The following ZNF106 variants were observed in gnomAD, a reference collection of about 807,000 sequenced individuals.
The protein encoded by ZNF106 is zinc finger protein 106, also known as SH3-domain binding protein 3.
ZNF106 carries 67 observed loss-of-function variants against 195.1 expected under a neutral mutation model. That is an observed-to-expected ratio of 0.34 (90% CI 0.28 to 0.42). The LOEUF is 0.42. Ranked by LOEUF, ZNF106 falls within the 10% of genes least tolerant of loss-of-function variation. ZNF106 has a pLI of 1.00. For synonymous variants in ZNF106, 784 were observed against 818.6 expected, an observed-to-expected ratio of 0.96 and a Z score of 0.72; for missense variants, 2,118 against 2,304.5, an observed-to-expected ratio of 0.92 and a Z score of 1.66.
intron 1 of ZNF106, among the ~76,000 whole-genome samples, chr15:42,486,262 T>C (rs1323031029): frequency 6.7e-6 from 1 of 148,390 alleles, no homozygotes; most frequent in Non-Finnish European, 1.5e-5. Flanking sequence ...CCAGCCCTTC[T>C]TTTTTTTTTC....
Position 42,442,316 on chromosome 15 carries a change from G to T in ZNF106, c.3520C>A (p.Leu1174Met), listed in dbSNP as rs139486208. 1.3e-4 allele frequency: 205 copies of T among 1,614,238 alleles called. No individual in the cohort carries two copies. In the African/African-American group the frequency reaches 2.3e-3, roughly 18 times the overall value. Residue 1174 changes from leucine to methionine, a missense_variant, in exon 10 of 22, where the codon CTG becomes ATG. Physicochemically the swap from Leu to Met is conservative, Grantham distance 15. Coordinates refer to ENST00000564754, the MANE Select transcript of ZNF106 (RefSeq NM_001366845.3). ...AAAAGTGGGAAAAAGGGAGTGGGCA[G>T]CAGTGCGGCATCAATGGATGTTTGA... ...RSQTSIDAAL[L>M]PTPFFPLFLE...
Position 42,478,065 on chromosome 15 carries a change from T to G in ZNF106, c.-32-5744A>C, listed in dbSNP as rs189905805. On this transcript the variant is annotated intron_variant, in intron 1 of 21. Transcript: ENST00000564754. ...TGCTATCTCAGCTCACTGCAACCTC[T>G]GTAACCTCCACCTGAAACTACGTCT... 3.3e-5 allele frequency among the ~76,000 whole-genome samples: 5 copies of G among 151,726 alleles called. No individual in the cohort carries two copies. In the East Asian group the frequency reaches 9.7e-4, roughly 29 times the overall value.
Position 42,450,544 on chromosome 15 carries a change from A to G in ZNF106, c.1728T>C (p.Leu576=). 1 of 1,614,140 alleles carries G rather than the reference A, an allele frequency of 6.2e-7. No individual in the cohort carries two copies. The highest frequency in any genetic ancestry group is 8.5e-7 in the Non-Finnish European group (1 of 1,180,022). Residue 576 remains leucine (L), a synonymous_variant, in exon 5 of 22, where the codon CTT becomes CTC. Transcript: ENST00000564754. ...QCHESLQNPL[L]STSKSTRNYA... ...AGTTCCTGGTACTTTTAGAAGTGCT[A>G]AGAAGTGGATTTTGCAATGACTCAT...
chr15:42,455,599 T>C (rs1375163396), intron 4 of ZNF106, among the ~76,000 whole-genome samples: 4 of 152,216 alleles, frequency 2.6e-5, no homozygotes, highest in Non-Finnish European at 5.9e-5. Context: ...AAGGGCTTCC[T>C]ATGTTGCCCA....
chr15:42,445,014 A>G (rs775746049), intron 7 of ZNF106, 33 bp from the exon 8 acceptor site: 2 of 1,611,830 alleles, frequency 1.2e-6, no homozygotes, highest in South Asian at 2.2e-5. Flanking sequence ...TCAGGTTAAT[A>G]CGAGAGATTT....
chr15:42,448,034 T>C, intron 6 of ZNF106, 38 bp downstream of exon 6: 13 of 1,556,850 alleles, frequency 8.4e-6, no homozygotes, highest in Non-Finnish European at 1.1e-5. Flanking sequence ...ACTTGCCACA[T>C]GCGATGTTCT....
chr15:42,470,153 A>G (rs183426208), intron 2 of ZNF106, among the ~76,000 whole-genome samples: 1 of 152,150 alleles, frequency 6.6e-6, no homozygotes, highest in Admixed American at 6.6e-5. Context: ...CTCCATCTCT[A>G]TTATACACAT....
Position 42,415,553 on chromosome 15 carries a change from AC to A in ZNF106, c.*1750del, listed in dbSNP as rs1484998750. The A allele has an allele frequency of 4.5e-6, 2 of 449,364 alleles. No homozygotes were observed. The highest frequency in any genetic ancestry group is 2.0e-5 in the African/African-American group (1 of 49,566). The allele number at this position is 449,364 out of a possible 1,614,324, so 27.8% of individuals were successfully genotyped here. Reference sequence around the variant, plus strand: ...AGACCCTCTTGAAGCCTATCCATAAACCCCCTGGTGAAGTCCCCCTGCCCGA... The same window carrying A: ...AGACCCTCTTGAAGCCTATCCATAAACCCCTGGTGAAGTCCCCCTGCCCGA... On this transcript the variant is annotated 3_prime_UTR_variant, in exon 22 of 22. Transcript: ENST00000564754.
rs1332975897 is a variant in ZNF106 at position 42,414,838 on chromosome 15, T to G, written c.*2466A>C. ...TTTAGTCATCGATCCAGATGCATTT[T>G]CCCGGGAAATGACCATTCCCAAACC... On this transcript the variant is annotated 3_prime_UTR_variant, in exon 22 of 22. Coordinates refer to ENST00000564754, the MANE Select transcript of ZNF106 (RefSeq NM_001366845.3). The G allele has an allele frequency of 1.3e-5, 2 of 152,226 alleles. No individual in the cohort carries two copies. Among genetic ancestry groups the G allele is most frequent in the Non-Finnish European group, 2.9e-5 (2 of 68,062 alleles). 9.4% of individuals were successfully genotyped at this position (152,226 alleles called of 1,614,324 possible).
chr15:42,424,741 A>G, intron 16 of ZNF106, 93 bp downstream of exon 16: 1 of 1,317,820 alleles, frequency 7.6e-7, no homozygotes, highest in Non-Finnish European at 1.0e-6. Flanking sequence ...CACCCTCCCA[A>G]AGTGCTGGGA....
At chr15:42,420,983 G>A (rs1464666378) in intron 20 of ZNF106, 78 bp downstream of exon 20, 31 of 1,249,616 alleles carry the variant, frequency 2.5e-5, no homozygotes, top group Non-Finnish European at 2.4e-6. Context: ...CTACACTGAT[G>A]ATAATGAAGA....
chr15:42,481,210 T>G (rs2141450394), intron 1 of ZNF106, among the ~76,000 whole-genome samples: 1 of 152,216 alleles, frequency 6.6e-6, no homozygotes, highest in Middle Eastern at 3.4e-3. Flanking sequence ...TAACCTTCAT[T>G]GTTTTCTGAA....
rs1395490312 is a variant in ZNF106 at position 42,449,903 on chromosome 15, TCA to T, written c.2367_2368del (p.Ser789ArgfsTer57). The T allele has an allele frequency of 6.2e-7, 1 of 1,614,208 alleles. No individual in the cohort carries two copies. The highest frequency in any genetic ancestry group is 8.5e-7 in the Non-Finnish European group (1 of 1,180,036). ...CTTGAGCCCAGACTCCTTCTCTGTC[TCA>T]CTCTTTCGGTGACCGCTAATATTGC... On this transcript the variant is annotated frameshift_variant, in exon 5 of 22. Transcript: ENST00000564754. LOFTEE classifies it high-confidence loss of function.
chr15:42,490,360 A>C (rs1334705682), intron 1 of ZNF106: 1 of 152,220 alleles, frequency 6.6e-6, no homozygotes, highest in African/African-American at 2.4e-5. Context: ...GCTAAAAGCC[A>C]CGGATATCTC....
At chr15:42,461,247 G>T (rs1046257407) in intron 3 of ZNF106, among the ~76,000 whole-genome samples, 1 of 152,186 alleles carries the variant, frequency 6.6e-6, no homozygotes, top group East Asian at 1.9e-4. Flanking sequence ...TTTTAATGAG[G>T]TTACTTGATA....
rs1040403982 is a variant in ZNF106, at chr15:42,416,202, C to G, written c.*1102G>C. The G allele has an allele frequency of 6.6e-6, 1 of 152,192 alleles. No homozygotes were observed. Among genetic ancestry groups the G allele is most frequent in the African/African-American group, 2.4e-5 (1 of 41,414 alleles). The allele number at this position is 152,192 out of a possible 1,614,324, so 9.4% of individuals were successfully genotyped here. On this transcript the variant is annotated 3_prime_UTR_variant, in exon 22 of 22. Transcript: ENST00000564754. ...TGCTCCACTCTTCTTTCCCAGCTAG[C>G]AGGGAAGTGAAGGCAAAGAACTGTC...
chr15:42,417,740 T>C, intron 21 of ZNF106, 65 bp downstream of exon 21: 1 of 1,489,088 alleles, frequency 6.7e-7, no homozygotes, highest in Non-Finnish European at 8.9e-7. Flanking sequence ...ATAAAAAAGG[T>C]TTGCTAGCCC....
chr15:42,451,970 T>A lies in ZNF106; in HGVS notation c.318-16A>T. On this transcript the variant is annotated splice_polypyrimidine_tract_variant and intron_variant, in intron 4 of 21. Coordinates refer to ENST00000564754, the MANE Select transcript of ZNF106 (RefSeq NM_001366845.3). Reference sequence around the variant, plus strand: ...TTCATCTTGTCTGGAAGAAAAACAGTTTTTCATTAGCGATTTAAAGGAATT... The same window carrying A: ...TTCATCTTGTCTGGAAGAAAAACAGATTTTCATTAGCGATTTAAAGGAATT... 1 of 1,592,422 alleles carries A rather than the reference T, an allele frequency of 6.3e-7. No individual in the cohort carries two copies. The highest frequency in any genetic ancestry group is 8.5e-7 in the Non-Finnish European group (1 of 1,169,992).
rs192967715 is a variant in ZNF106, at chr15:42,424,092, G to A, written c.5191-32C>T. 6.8e-4 allele frequency: 1,082 copies of A among 1,581,904 alleles called. 3 individuals carry two copies. Among genetic ancestry groups the A allele is most frequent in the Non-Finnish European group, 8.6e-4 (1,003 of 1,163,046 alleles). On this transcript the variant is annotated intron_variant, in intron 16 of 21. Transcript: ENST00000564754. ...GAAAAAATTAAACAAGTCAGATTCT[G>A]TATACGGTTCTTAATTTTCTCTATA...
Sources: gnomAD v4.1 joint callset for allele counts (sites outside exome capture counted in the v4.1 genomes callset) on GRCh38, gnomAD v4.1.1 for gene constraint, MANE v1.5 for transcripts, NCBI Gene and HGNC (gene_info 2026-07-23, HGNC 2026-07-21) for gene names.